HELZ2: variants seen among roughly 807,000 people sequenced by gnomAD.
The protein encoded by HELZ2 is 3'-5' exoribonuclease HELZ2.
A neutral mutation model predicts 208.8 loss-of-function variants in HELZ2; 143 were observed. The ratio of observed to expected loss-of-function variants is 0.68; its 90% confidence interval spans 0.60 to 0.79. The LOEUF is 0.79. HELZ2 is among the 30% of genes least tolerant of loss of function. The pLI is 0.00. For missense variants in HELZ2, 3,690 were observed against 3,794.5 expected (o/e 0.97, Z 0.72); for synonymous variants, 1,705 against 1,693.7 (o/e 1.01, Z -0.16).
intron 4 of HELZ2, 68 bp from the exon 6 acceptor site, chr20:63,569,067 C>T: frequency 1.3e-6 from 2 of 1,588,270 alleles, no homozygotes; most frequent in Non-Finnish European, 1.7e-6. Flanking sequence ...TCCACGCCCC[C>T]ATCCGCTCCC....
exon 12 of HELZ2, chr20:63,561,699 A>G (rs2082889225): frequency 1.2e-6 from 2 of 1,611,946 alleles, no homozygotes; most frequent in African/African-American, 2.7e-5. Context: ...CAGCCTGCTC[A>G]CTGTACACAC....
chr20:63,571,908 T>C (rs1346558765), intron 1 of HELZ2, 200 bp downstream of exon 2: 99 of 379,476 alleles, frequency 2.6e-4, no homozygotes, highest in East Asian at 3.7e-4. Context: ...GCTCTGCCTG[T>C]GGTGGGCTCC....
intron 5 of HELZ2, 79 bp from the exon 7 acceptor site, chr20:63,567,706 G>A: frequency 6.6e-7 from 1 of 1,504,850 alleles, no homozygotes; most frequent in African/African-American, 1.4e-5. Flanking sequence ...TGTGTGCCCA[G>A]CCGAGCTGCC....
rs746163769 is a variant in HELZ2, at chr20:63,572,360, A to G, written c.26T>C (p.Leu9Pro). The G allele has an allele frequency of 1.9e-6, 3 of 1,556,136 alleles. No homozygotes were observed. In the African/African-American group the frequency reaches 4.1e-5, roughly 21 times the overall value. Residue 9 changes from leucine (L) to proline (P), a missense_variant, in exon 1 of 19, where the codon CTG becomes CCG. Leu to Pro is a moderately conservative substitution (Grantham distance 98). Around this residue, in one of 3 missense-constraint regions of HELZ2, gnomAD observed 1,119 missense variants for 1,193.4 expected, o/e 0.94. Coordinates refer to ENST00000467148, the Ensembl canonical transcript of HELZ2. ...CAGGTCCCCCCGCTGGAGGCCACCC[A>G]GCTGCTCGGCCTCCCACACAGCCAT...
At chr20:63,570,008 G>A in intron 3 of HELZ2, 3 of 462,384 alleles carry the variant, frequency 6.5e-6, no homozygotes, top group Non-Finnish European at 1.2e-5. Context: ...GAGTGCAATG[G>A]CGCGATCTCA....
At position 63,567,095 on chromosome 20, in the gene HELZ2, G is replaced by A. The variant is rs144160173; in HGVS notation, c.2263C>T (p.Arg755Trp). Residue 755 changes from arginine (R) to tryptophan (W), a missense_variant, in exon 6 of 19, where the codon CGG (arginine) becomes TGG (tryptophan). Transcript: ENST00000467148. ...TTGCCCTTGGCCACGTAGAAGTGCC[G>A]CGAGATGAAGCTGACAATGGCGTCC... 44 of 1,611,964 alleles carry A rather than the reference G, an allele frequency of 2.7e-5. No individual in the cohort carries two copies. Among genetic ancestry groups the A allele is most frequent in the Middle Eastern group, 1.6e-4 (1 of 6,084 alleles).
In HELZ2 at chr20:63,565,820, C is replaced by T; in HGVS notation, c.3002G>A (p.Gly1001Glu). Residue 1001 changes from glycine (G) to glutamate (E), a missense_variant, in exon 8 of 19, where the codon GGA (glycine) becomes GAA (glutamate). Transcript: ENST00000467148. ...GGATGCTGGGCTCAGAGCCTCATCTCCCGGCTCTGCCTTCACCATGGCCGT... is the reference window on the plus strand; with the variant it reads ...GGATGCTGGGCTCAGAGCCTCATCTTCCGGCTCTGCCTTCACCATGGCCGT... The T allele has an allele frequency of 6.3e-7, 1 of 1,599,248 alleles. No individual in the cohort carries two copies. Among genetic ancestry groups the T allele is most frequent in the Non-Finnish European group, 8.5e-7 (1 of 1,179,676 alleles).
At chr20:63,561,942 A>G in exon 11 of HELZ2, 2 of 1,602,828 alleles carry the variant, frequency 1.2e-6, no homozygotes, top group Non-Finnish European at 1.7e-6. Flanking sequence ...TGATTTATGA[A>G]ACCAGAATAC....
At chr20:63,567,715 C>T (rs1028682890) in intron 5 of HELZ2, 88 bp from the exon 7 acceptor site, 134 of 1,494,458 alleles carry the variant, frequency 9.0e-5, no homozygotes, top group Non-Finnish European at 1.2e-4. Context: ...AGCCGAGCTG[C>T]CCCTGAGCAC....
At position 63,566,100 on chromosome 20, in the gene HELZ2, G is replaced by A. The variant is rs2082953688; in HGVS notation, c.2722C>T (p.Gln908Ter). The A allele has an allele frequency of 6.3e-7, 1 of 1,584,854 alleles. No homozygotes were observed. The change falls in exon 8 of 19, where the codon CAG becomes TAG. Residue 908 changes from glutamine to a stop codon, truncating the protein, a stop_gained. Coordinates refer to ENST00000467148, the Ensembl canonical transcript of HELZ2. LOFTEE classifies it high-confidence loss of function. ...ACGGCGTCCCCCACTACCACCAGCT[G>A]GGACTGGGCGCGGGTCAGGACGGTG...
intron 3 of HELZ2, 133 bp downstream of exon 4, chr20:63,570,371 T>C (rs2083004912): frequency 9.2e-6 from 7 of 760,000 alleles, no homozygotes; most frequent in Non-Finnish European, 1.6e-5. Context: ...AGGGACCTGC[T>C]GCAGGTCACG....
chr20:63,560,635 C>G, exon 16 of HELZ2: 2 of 1,610,584 alleles, frequency 1.2e-6, no homozygotes, highest in Non-Finnish European at 1.7e-6. Flanking sequence ...TCCTCAGGCC[C>G]TGCCACGTCT....
At chr20:63,559,213 C>T in exon 19 of HELZ2, 1 of 1,492,270 alleles carries the variant, frequency 6.7e-7, no homozygotes, top group Non-Finnish European at 9.0e-7. Flanking sequence ...CTTTCCCTCC[C>T]AGTCCTGGCA....
chr20:63,567,711 G>A (rs2082978560), intron 5 of HELZ2, 84 bp from the exon 7 acceptor site: 1 of 1,500,300 alleles, frequency 6.7e-7, no homozygotes, highest in African/African-American at 1.4e-5. Context: ...GCCCAGCCGA[G>A]CTGCCCCTGA....
rs937759793 is a variant in HELZ2, at chr20:63,570,933, G to A, written c.279-65C>T. 2.2e-5 allele frequency: 30 copies of A among 1,361,622 alleles called. No homozygotes were observed. The African/African-American group carries it at 3.0e-4, about 14-fold the overall frequency. 84.3% of individuals were successfully genotyped at this position (1,361,622 alleles called of 1,614,324 possible). A position where few individuals can be genotyped will look rare whatever the true frequency, so the allele number is the denominator to read the frequency against. ...AGCCGCCGTGCTGAGTTCAAAGGCC[G>A]GGACCCCTCAGCCCAATACTGGCCT... On this transcript the variant is annotated intron_variant, in intron 1 of 18. Coordinates refer to ENST00000467148, the Ensembl canonical transcript of HELZ2.
rs777045117 is a variant in HELZ2 at position 63,564,059 on chromosome 20, C to A, written c.4763G>T (p.Gly1588Val). Reference sequence around the variant, plus strand: ...CAGCCGCGTGTCGGGGGGACTGCCCCCGCCGCCGTGCAGGTGGTGGCCGAG... The same window carrying A: ...CAGCCGCGTGTCGGGGGGACTGCCCACGCCGCCGTGCAGGTGGTGGCCGAG... The change falls in exon 8 of 19, where the codon GGG becomes GTG. Residue 1588 changes from glycine (G) to valine (V), a missense_variant. Gly to Val is a moderately radical substitution (Grantham distance 109, BLOSUM62 -3). Around this residue, in one of 3 missense-constraint regions of HELZ2, gnomAD observed 2,564 missense variants for 2,580.5 expected, o/e 0.99. Transcript: ENST00000467148. The A allele has an allele frequency of 4.0e-5, 65 of 1,605,352 alleles. No individual in the cohort carries two copies. The East Asian group carries it at 9.0e-4, about 22-fold the overall frequency.
intron 6 of HELZ2, 22 bp from the exon 8 acceptor site, chr20:63,566,475 G>T: frequency 6.5e-7 from 1 of 1,546,090 alleles, no homozygotes; most frequent in Non-Finnish European, 8.7e-7. Context: ...GCAGGGCCGG[G>T]GATGAGTGCT....
chr20:63,573,775 C>T (rs934878656), upstream of HELZ2, among the ~76,000 whole-genome samples: 1 of 152,082 alleles, frequency 6.6e-6, no homozygotes, highest in African/African-American at 2.4e-5. This position sits in a 1 kb window ranked among gnomAD's most constrained non-coding sequence, Gnocchi z 4.9. Flanking sequence ...GATGGGTCCC[C>T]GGGTCCCCAC....
chr20:63,562,340 C>G (rs748632717), exon 9 of HELZ2: 1 of 1,595,534 alleles, frequency 6.3e-7, no homozygotes, highest in African/African-American at 1.3e-5. Flanking sequence ...TGGTGACCAG[C>G]GGGGACGCCT....
Sources: allele counts gnomAD v4.1 joint callset (sites outside exome capture counted in the v4.1 genomes callset), GRCh38; gene constraint gnomAD v4.1.1; regional missense constraint gnomAD v4.1.1; non-coding constraint Gnocchi (gnomAD v3.1); transcripts MANE v1.5; gene names NCBI Gene and HGNC (gene_info 2026-07-23, HGNC 2026-07-21).